The following NRG3 variants were observed in gnomAD, a reference collection of about 807,000 sequenced individuals.
NRG3 encodes neuregulin 3.
In NRG3, 31 loss-of-function variants were observed where a neutral mutation model predicts 66.9. The ratio of observed to expected loss-of-function variants is 0.46; its 90% CI spans 0.35 to 0.63. The LOEUF is 0.63. NRG3 is among the 20% of genes least tolerant of loss of function. The probability of loss-of-function intolerance (pLI) is 0.00; values close to 1 mark genes in which losing one functional copy is unlikely to be tolerated. For missense variants in NRG3, 910 were observed against 878.9 expected (o/e 1.04, Z -0.45); for synonymous variants, 393 against 359.4 (o/e 1.09, Z -1.06).
intron 2 of NRG3, among the ~76,000 whole-genome samples, chr10:82,715,310 G>A (rs532701747): frequency 2.4e-4 from 37 of 152,260 alleles, no homozygotes; most frequent in African/African-American, 8.2e-4. Context: ...AGGCACGTGA[G>A]TCCCTTGAAC....
intron 2 of NRG3, among the ~76,000 whole-genome samples, chr10:82,439,508 T>C (rs1469747115): frequency 6.6e-6 from 1 of 152,048 alleles, no homozygotes; most frequent in Non-Finnish European, 1.5e-5. Context: ...CTTAGGATTT[T>C]TTAACTCTTT....
In NRG3 at chr10:82,369,584, A is replaced by T. The variant is rs1391492082; in HGVS notation, c.953+10716A>T. ...CAAAGTGCTGGGATTATAGGTGTAA[A>T]CCACGGTGCCTGGCTTAGCTCCCAA... On this transcript the variant is annotated intron_variant, in intron 2 of 8. Transcript: ENST00000372141. Among the ~76,000 whole-genome samples, 2 of 138,204 alleles carry T rather than the reference A, an allele frequency of 1.4e-5. 1 individual carries two copies. Among genetic ancestry groups the T allele is most frequent in the Admixed American group, 1.4e-4 (2 of 14,714 alleles). 90.7% of individuals were successfully genotyped at this position (138,204 alleles called of 152,430 possible).
chr10:82,619,005 A>G (rs1214936189), intron 2 of NRG3, among the ~76,000 whole-genome samples: 1 of 152,010 alleles, frequency 6.6e-6, no homozygotes, highest in African/African-American at 2.4e-5. Flanking sequence ...ACTTAGAAAA[A>G]AAAATTTAAA....
At chr10:82,413,236 CT>C (rs2088251055) in intron 2 of NRG3, among the ~76,000 whole-genome samples, 2 of 152,114 alleles carry the variant, frequency 1.3e-5, no homozygotes. Context: ...GTTGAAATTA[CT>C]TTTTGATCCA....
chr10:82,856,579 T>G (rs1300709604), intron 3 of NRG3, among the ~76,000 whole-genome samples: 1 of 151,698 alleles, frequency 6.6e-6, no homozygotes, highest in Non-Finnish European at 1.5e-5. Flanking sequence ...ACCCTGTCTC[T>G]ACTAAAAATA....
At chr10:82,813,394 A>T (rs1014047555) in intron 3 of NRG3, among the ~76,000 whole-genome samples, 4 of 151,694 alleles carry the variant, frequency 2.6e-5, no homozygotes, top group Non-Finnish European at 5.9e-5. Flanking sequence ...TTGTATTTTT[A>T]ATAGAAATGA....
intron 2 of NRG3, among the ~76,000 whole-genome samples, chr10:82,501,428 C>G (rs1844178724): frequency 6.6e-6 from 1 of 152,134 alleles, no homozygotes; most frequent in Non-Finnish European, 1.5e-5. Context: ...ACACTCAGGT[C>G]AAAAGTCAAC....
At position 82,952,471 on chromosome 10, in the gene NRG3, CTGTGTGTGTGTGTGTG is replaced by C. The variant is rs60100337; in HGVS notation, c.1157+934_1157+949del. Reference sequence around the variant, plus strand: ...TATAAACGTCTCTCTCTCTCTCTCTCTGTGTGTGTGTGTGTGTGTGTGTGTGTGTGTGTGTGTGTGT... The same window carrying C: ...TATAAACGTCTCTCTCTCTCTCTCTCTGTGTGTGTGTGTGTGTGTGTGTGT... On this transcript the variant is annotated intron_variant, in intron 5 of 8. Transcript: ENST00000372141. Among the ~76,000 whole-genome samples, 161 of 98,840 alleles carry C rather than the reference CTGTGTGTGTGTGTGTG, an allele frequency of 1.6e-3. 2 individuals are homozygous for C. Among genetic ancestry groups the C allele is most frequent in the Non-Finnish European group, 2.1e-3 (114 of 53,648 alleles). 64.8% of individuals were successfully genotyped at this position (98,840 alleles called of 152,430 possible). A position where few individuals can be genotyped will look rare whatever the true frequency, so the allele number is the denominator to read the frequency against.
Position 82,061,161 on chromosome 10 carries a change from G to A in NRG3, c.823+184998G>A, listed in dbSNP as rs536791229. 1.2e-4 allele frequency among the ~76,000 whole-genome samples: 18 copies of A among 152,234 alleles called. No homozygotes were observed. In the South Asian group the frequency reaches 3.7e-3, roughly 32 times the overall value. The stretch of plus-strand genomic sequence containing the variant: ...AGGTCAGGAGTTCAAGACCAGCCTA[G>A]CCAATATGGTGAAACCCTGTCTCTA... On this transcript the variant is annotated intron_variant, in intron 1 of 8. Transcript: ENST00000372141.
chr10:81,936,881 CAT>C (rs1244986369), intron 1 of NRG3, among the ~76,000 whole-genome samples: 2 of 152,148 alleles, frequency 1.3e-5, no homozygotes, highest in African/African-American at 2.4e-5. Context: ...ATCATCATGT[CAT>C]GTGTACAGTA....
At chr10:82,270,315 C>T (rs1213287909) in intron 1 of NRG3, among the ~76,000 whole-genome samples, 1 of 152,130 alleles carries the variant, frequency 6.6e-6, no homozygotes, top group Non-Finnish European at 1.5e-5. Flanking sequence ...TTCCCCAGAC[C>T]TCATACTGTT....
chr10:82,325,722 T>C lies in NRG3; in HGVS notation c.824-33017T>C, dbSNP rs569404870. Among the ~76,000 whole-genome samples, 31 of 152,276 alleles carry C rather than the reference T, an allele frequency of 2.0e-4. No homozygotes were observed. In the South Asian group the frequency reaches 6.4e-3, roughly 32 times the overall value. Reference sequence around the variant, plus strand: ...GATAGTTTTAGTATATACCTCTAGCTTTCACTGTCAAGTTGCAAGTAATAT... The same window carrying C: ...GATAGTTTTAGTATATACCTCTAGCCTTCACTGTCAAGTTGCAAGTAATAT... On this transcript the variant is annotated intron_variant, in intron 1 of 8. Coordinates refer to ENST00000372141, the MANE Select transcript of NRG3 (RefSeq NM_001010848.4).
intron 6 of NRG3, among the ~76,000 whole-genome samples, chr10:82,961,163 G>A (rs1850600744): frequency 1.3e-5 from 2 of 152,168 alleles, no homozygotes; most frequent in South Asian, 4.1e-4. Context: ...CCATTTGCTA[G>A]AGAACTTAAT....
intron 2 of NRG3, among the ~76,000 whole-genome samples, chr10:82,735,006 C>CAAA (rs11404285): frequency 7.8e-6 from 1 of 128,524 alleles, no homozygotes; most frequent in African/African-American, 2.9e-5. Context: ...GACTCTGCCT[C>CAAA]AAAAAAAAAA....
At chr10:82,565,834 T>C (rs2045367704) in intron 2 of NRG3, among the ~76,000 whole-genome samples, 1 of 152,070 alleles carries the variant, frequency 6.6e-6, no homozygotes, top group South Asian at 2.1e-4. Flanking sequence ...TTAAGGTCAC[T>C]ACAGAATCAG....
intron 2 of NRG3, among the ~76,000 whole-genome samples, chr10:82,506,096 A>G (rs1257751640): frequency 2.6e-5 from 4 of 152,154 alleles, no homozygotes; most frequent in Admixed American, 6.5e-5. Context: ...AAATGCAAAA[A>G]AACTAGCGAG....
chr10:82,321,622 A>G (rs982009703), intron 1 of NRG3, among the ~76,000 whole-genome samples: 1 of 152,132 alleles, frequency 6.6e-6, no homozygotes, highest in African/African-American at 2.4e-5. Context: ...ATAGGGGCCC[A>G]CCTACCATTT....
At chr10:81,980,423 T>C (rs1051338907) in intron 1 of NRG3, among the ~76,000 whole-genome samples, 1 of 152,160 alleles carries the variant, frequency 6.6e-6, no homozygotes, top group African/African-American at 2.4e-5. Flanking sequence ...AGAGTAAAAG[T>C]AACTTATAAA....
At chr10:82,637,155 A>G (rs1255198424) in intron 2 of NRG3, among the ~76,000 whole-genome samples, 3 of 152,178 alleles carry the variant, frequency 2.0e-5, no homozygotes, top group Non-Finnish European at 2.9e-5. Context: ...TGAAAACAGC[A>G]TATATTATGC....
Sources: allele counts gnomAD v4.1 joint callset (sites outside exome capture counted in the v4.1 genomes callset), GRCh38; gene constraint gnomAD v4.1.1; transcripts MANE v1.5; gene names NCBI Gene and HGNC (gene_info 2026-07-23, HGNC 2026-07-21).